CAMTA1: variants seen among roughly 807,000 people sequenced by gnomAD.
The protein encoded by CAMTA1 is calmodulin-binding transcription activator 1.
Under a neutral mutation model 170.9 loss-of-function variants are expected in CAMTA1, and 27 were observed. That is an observed-to-expected ratio of 0.16 (90% CI 0.12 to 0.22). The LOEUF is 0.22. Among genes scored for constraint, CAMTA1 ranks in the 10% least tolerant of loss-of-function variants. The pLI is 1.00. For missense variants in CAMTA1, 1,619 were observed against 2,217.2 expected, an observed-to-expected ratio of 0.73 and a Z score of 5.42; for synonymous variants, 833 against 891.5, an observed-to-expected ratio of 0.93 and a Z score of 1.17.
chr1:6,846,463 GC>G, intron 3 of CAMTA1, among the ~76,000 whole-genome samples: 1 of 152,306 alleles, frequency 6.6e-6, no homozygotes, highest in South Asian at 2.1e-4. Context: ...CCTGCCTGGG[GC>G]TGTAGTTGTA....
intron 3 of CAMTA1, among the ~76,000 whole-genome samples, chr1:6,860,984 G>C (rs1452083302): frequency 7.1e-6 from 1 of 141,590 alleles, no homozygotes; most frequent in African/African-American, 2.6e-5. Flanking sequence ...TTTTTTTTTG[G>C]GTCAGAGTCT....
At chr1:7,348,607 C>A (rs1478191512) in intron 5 of CAMTA1, among the ~76,000 whole-genome samples, 2 of 152,204 alleles carry the variant, frequency 1.3e-5, no homozygotes, top group East Asian at 1.9e-4. Flanking sequence ...GGGCGAGGAT[C>A]CAACTAAGTG....
intron 3 of CAMTA1, among the ~76,000 whole-genome samples, chr1:6,955,516 A>G (rs931146476): frequency 6.6e-6 from 1 of 152,140 alleles, no homozygotes. Flanking sequence ...TGGACAGGCT[A>G]TTTACCTTCT....
rs1443723556 is a variant in CAMTA1 at position 7,248,067 on chromosome 1, G to A, written c.303-1424G>A. On this transcript the variant is annotated intron_variant, in intron 4 of 22. Transcript: ENST00000303635. This position sits in a 1 kb window ranked among gnomAD's most constrained non-coding sequence, Gnocchi z 4.0. ...GTCTGTAATTTCCAGCGGAATTGCT[G>A]TTTAGTCATCATATTGCCGCTGAAT... is the stretch of plus-strand genomic sequence containing the variant. 6.6e-6 allele frequency among the ~76,000 whole-genome samples: 1 copy of A among 152,218 alleles called. No homozygotes were observed. The highest frequency in any genetic ancestry group is 1.9e-4 in the East Asian group (1 of 5,198).
At chr1:7,255,382 C>T (rs965015524) in intron 5 of CAMTA1, among the ~76,000 whole-genome samples, 2 of 152,022 alleles carry the variant, frequency 1.3e-5, no homozygotes, top group East Asian at 1.9e-4. Flanking sequence ...TACTCCATTA[C>T]CCTCCAGCCT....
intron 6 of CAMTA1, among the ~76,000 whole-genome samples, chr1:7,484,495 A>C (rs2093589277): frequency 6.6e-6 from 1 of 152,214 alleles, no homozygotes; most frequent in Non-Finnish European, 1.5e-5. Context: ...ACCAGCATTC[A>C]GATAACAATC....
At chr1:7,177,311 CATTGAGGTAT>C (rs1306097702) in intron 4 of CAMTA1, among the ~76,000 whole-genome samples, 1 of 151,342 alleles carries the variant, frequency 6.6e-6, no homozygotes, top group Non-Finnish European at 1.5e-5. Context: ...CTCTCCCACA[CATTGAGGTAT>C]CTCCCACACA....
At chr1:7,072,411 A>G (rs1479238777) in intron 3 of CAMTA1, among the ~76,000 whole-genome samples, 4 of 152,242 alleles carry the variant, frequency 2.6e-5, no homozygotes, top group Non-Finnish European at 5.9e-5. Flanking sequence ...GAACAGATTT[A>G]CTTGCTCATT....
chr1:7,738,205 C>T lies in CAMTA1; in HGVS notation c.3905C>T (p.Pro1302Leu). The change falls in exon 16 of 23, where the codon CCT (proline) becomes CTT (leucine). Residue 1302 changes from proline (P) to leucine (L), a missense_variant. Pro to Leu is a moderately conservative substitution (Grantham distance 98). Transcript: ENST00000303635. The surrounding 1 kb of genome is among the most constrained non-coding windows in gnomAD (Gnocchi z 4.9). ...GVRDFSRELSPPTPETAAFQA... is the reference protein window; with the variant it reads ...GVRDFSRELSLPTPETAAFQA... ...AGGGACTTCAGCCGGGAACTCTCCC[C>T]TCCCACTCCAGAGACTGCAGCATTT... 2 of 1,614,064 alleles carry T rather than the reference C, an allele frequency of 1.2e-6. No homozygotes were observed. Among genetic ancestry groups the T allele is most frequent in the African/African-American group, 1.3e-5 (1 of 75,032 alleles).
intron 3 of CAMTA1, among the ~76,000 whole-genome samples, chr1:7,054,573 G>C (rs182813503): frequency 1.3e-5 from 2 of 152,252 alleles, no homozygotes; most frequent in African/African-American, 4.8e-5. Flanking sequence ...TGGTGGGGCT[G>C]TGCATGCCGG....
At chr1:7,530,765 A>ATTT (rs111706934) in intron 6 of CAMTA1, among the ~76,000 whole-genome samples, 2 of 124,984 alleles carry the variant, frequency 1.6e-5, no homozygotes, top group Admixed American at 8.1e-5. Context: ...CAGAATGTGG[A>ATTT]TTTTTTTTTT....
intron 5 of CAMTA1, among the ~76,000 whole-genome samples, chr1:7,320,390 C>T (rs528954691): frequency 2.0e-5 from 3 of 152,262 alleles, no homozygotes; most frequent in Non-Finnish European, 4.4e-5. Context: ...TCACAGTCAT[C>T]GAATCAGTTG....
rs72863090 is a variant in CAMTA1 at position 7,518,052 on chromosome 1, A to G, written c.510+50151A>G. On this transcript the variant is annotated intron_variant, in intron 6 of 22. Transcript: ENST00000303635. ...GAAGCTTCTCCCACTGGGGGACAAG[A>G]GGACATATGAGTAGCTAAGTGGTGT... 7.6e-3 allele frequency among the ~76,000 whole-genome samples: 1,159 copies of G among 152,072 alleles called. 32 individuals carry two copies. The highest frequency in any genetic ancestry group is 0.027 in the African/African-American group (1,098 of 41,342).
At chr1:7,122,007 G>A (rs1644671421) in intron 4 of CAMTA1, among the ~76,000 whole-genome samples, 1 of 152,004 alleles carries the variant, frequency 6.6e-6, no homozygotes, top group South Asian at 2.1e-4. Flanking sequence ...ATCCCTCAGG[G>A]CATAGGAAAG....
At chr1:6,943,802 G>A (rs1001925405) in intron 3 of CAMTA1, among the ~76,000 whole-genome samples, 67 of 143,588 alleles carry the variant, frequency 4.7e-4, no homozygotes, top group African/African-American at 1.6e-3. Flanking sequence ...AGCCGAAATC[G>A]TGCCACTGCA....
chr1:7,122,259 C>T (rs944877144), intron 4 of CAMTA1, among the ~76,000 whole-genome samples: 11 of 152,046 alleles, frequency 7.2e-5, no homozygotes, highest in African/African-American at 1.7e-4. Flanking sequence ...CTCTTGCCCC[C>T]GCCTTGAGCT....
intron 11 of CAMTA1, among the ~76,000 whole-genome samples, chr1:7,684,755 A>T (rs2096243916): frequency 1.3e-5 from 2 of 152,148 alleles, no homozygotes; most frequent in African/African-American, 4.8e-5. Flanking sequence ...TCCCATTCTG[A>T]GGTTCCCTGT....
intron 5 of CAMTA1, among the ~76,000 whole-genome samples, chr1:7,276,303 A>ATAATTTTTTTTTT: frequency 1.7e-4 from 4 of 24,232 alleles, no homozygotes; most frequent in African/African-American, 1.2e-3. Context: ...ATATATATAT[A>ATAATTTTTTTTTT]TTTTTTTTTT....
intron 3 of CAMTA1, among the ~76,000 whole-genome samples, chr1:6,905,488 C>G (rs2149241290): frequency 6.6e-6 from 1 of 152,262 alleles, no homozygotes; most frequent in East Asian, 1.9e-4. Context: ...AGCCACTATG[C>G]CCGGCCTGCT....
Sources: allele counts gnomAD v4.1 joint callset (sites outside exome capture counted in the v4.1 genomes callset), GRCh38; gene constraint gnomAD v4.1.1; non-coding constraint Gnocchi (gnomAD v3.1); transcripts MANE v1.5; gene names NCBI Gene and HGNC (gene_info 2026-07-23, HGNC 2026-07-21).